The following DYNLT2B variants were observed in gnomAD, a reference collection of about 807,000 sequenced individuals.
DYNLT2B encodes dynein light chain Tctex-type protein 2B.
DYNLT2B carries 14 observed loss-of-function variants against 19.5 expected under a neutral mutation model. The observed-to-expected ratio is 0.72, with a 90% confidence interval of 0.47 to 1.12. DYNLT2B has a LOEUF of 1.12. DYNLT2B is among the 50% of genes most tolerant of loss of function. DYNLT2B has a pLI of 0.00. For synonymous variants in DYNLT2B, 70 were observed against 59.7 expected (o/e 1.17, Z -0.79); for missense variants, 133 against 174.7 (o/e 0.76, Z 1.35).
intron 4 of DYNLT2B, 51 bp from the exon 5 acceptor site, chr3:196,291,425 A>G: frequency 6.4e-7 from 1 of 1,564,194 alleles, no homozygotes; most frequent in South Asian, 1.2e-5. Context: ...AGTACTAAAG[A>G]GGGAATGAGA....
At chr3:196,292,516 CA>C (rs1160917670) in intron 4 of DYNLT2B, 1 of 152,162 alleles carries the variant, frequency 6.6e-6, no homozygotes, top group Non-Finnish European at 1.5e-5. Context: ...ATAGGTAACT[CA>C]GAACATGAAA....
chr3:196,316,741 CAAAG>C (rs1465055354), intron 1 of DYNLT2B, among the ~76,000 whole-genome samples: 1 of 152,072 alleles, frequency 6.6e-6, no homozygotes, highest in Non-Finnish European at 1.5e-5. Context: ...TAAAAATAAA[CAAAG>C]AAATTTGTAT....
intron 2 of DYNLT2B, among the ~76,000 whole-genome samples, chr3:196,307,534 C>G (rs73212160): frequency 0.32 from 48,448 of 151,786 alleles, 8,812 homozygotes; most frequent in East Asian, 0.82. Context: ...AACTCCTGAC[C>G]TCAGGTGATC....
At position 196,318,037 on chromosome 3, in the gene DYNLT2B, C is replaced by A. The variant is rs781417695; in HGVS notation, c.113+3G>T. The A allele has an allele frequency of 2.0e-6, 3 of 1,517,814 alleles. No individual in the cohort carries two copies. The highest frequency in any genetic ancestry group is 2.7e-5 in the East Asian group (1 of 36,574). The allele number at this position is 1,517,814 out of a possible 1,614,324, so 94.0% of individuals were successfully genotyped here. A position where few individuals can be genotyped will look rare whatever the true frequency, so the allele number is the denominator to read the frequency against. ...GCCCCGCCACAGCCCGTCCTCTACC[C>A]GCCTCTGCTGGAAAACAGGCCGCAG... On this transcript the variant is annotated splice_donor_region_variant and intron_variant, in intron 1 of 4. Coordinates refer to ENST00000325318, the MANE Select transcript of DYNLT2B (RefSeq NM_152773.5).
intron 2 of DYNLT2B, among the ~76,000 whole-genome samples, chr3:196,313,232 C>A (rs1302738074): frequency 6.7e-6 from 1 of 149,616 alleles, no homozygotes; most frequent in Admixed American, 6.7e-5. Flanking sequence ...GAGTCTCACT[C>A]TGTTGCCCAG....
chr3:196,293,046 G>C (rs935850693), intron 4 of DYNLT2B, among the ~76,000 whole-genome samples: 1 of 152,102 alleles, frequency 6.6e-6, no homozygotes, highest in Non-Finnish European at 1.5e-5. Context: ...TAGAGATGGG[G>C]TTTCACCATG....
chr3:196,316,126 T>A lies in DYNLT2B; in HGVS notation c.219A>T (p.Leu73Phe). Residue 73 changes from leucine (L) to phenylalanine (F), a missense_variant, in exon 2 of 5, where the codon TTA becomes TTT. Physicochemically the swap from Leu to Phe is conservative, Grantham distance 22. Coordinates refer to ENST00000325318, the MANE Select transcript of DYNLT2B (RefSeq NM_152773.5). ...PEEMPQLTKH[L>F]SENIKDKLKE... ...TTAATTTATCTTTAATGTTTTCTGA[T>A]AAATGTTTTGTAAGCTGAGGCATTT... The A allele has an allele frequency of 1.2e-6, 2 of 1,613,736 alleles. No individual in the cohort carries two copies. Among genetic ancestry groups the A allele is most frequent in the Non-Finnish European group, 1.7e-6 (2 of 1,179,788 alleles).
intron 3 of DYNLT2B, among the ~76,000 whole-genome samples, chr3:196,305,057 A>AT (rs1726451546): frequency 6.6e-6 from 1 of 151,884 alleles, no homozygotes; most frequent in Admixed American, 6.6e-5. Flanking sequence ...TAATTTTTGT[A>AT]TTTTTTTGTA....
chr3:196,294,440 A>G (rs1726173468), intron 4 of DYNLT2B, among the ~76,000 whole-genome samples: 1 of 152,242 alleles, frequency 6.6e-6, no homozygotes, highest in African/African-American at 2.4e-5. Context: ...AGCAGTGTCC[A>G]TATCTGGCAG....
Position 196,293,499 on chromosome 3 carries a change from ACCTGTAGTC to A in DYNLT2B, c.382-2134_382-2126del, listed in dbSNP as rs1211787552. Among the ~76,000 whole-genome samples the A allele has an allele frequency of 2.6e-5, 4 of 151,534 alleles. No individual in the cohort carries two copies. The East Asian group carries it at 8.1e-4, about 31-fold the overall frequency. On this transcript the variant is annotated intron_variant, in intron 4 of 4. Coordinates refer to ENST00000325318, the MANE Select transcript of DYNLT2B (RefSeq NM_152773.5). ...AAATTAGCCGAGCGTGGTGGCATGC[ACCTGTAGTC>A]CCAGCTACTCGGGAGGCTGGGGCAG...
chr3:196,292,804 C>T lies in DYNLT2B; in HGVS notation c.382-1430G>A, dbSNP rs1299153684. Among the ~76,000 whole-genome samples, 4 of 152,250 alleles carry T rather than the reference C, an allele frequency of 2.6e-5. No individual in the cohort carries two copies. In the South Asian group the frequency reaches 6.2e-4, roughly 24 times the overall value. Reference sequence around the variant, plus strand: ...TCCGCTCAATACCACATGATTTTCCCTCCTTTCTCATTTCCTCTGCCTCTA... The same window carrying T: ...TCCGCTCAATACCACATGATTTTCCTTCCTTTCTCATTTCCTCTGCCTCTA... On this transcript the variant is annotated intron_variant, in intron 4 of 4. Transcript: ENST00000325318.
chr3:196,307,136 G>T, intron 2 of DYNLT2B, 124 bp from the exon 3 acceptor site: 2 of 772,294 alleles, frequency 2.6e-6, no homozygotes, highest in Non-Finnish European at 4.3e-6. Flanking sequence ...ATGGTGGTAA[G>T]CTTGGGGGTC....
chr3:196,303,900 G>A (rs1577389532), intron 3 of DYNLT2B, among the ~76,000 whole-genome samples: 1 of 152,186 alleles, frequency 6.6e-6, no homozygotes, highest in African/African-American at 2.4e-5. Context: ...GATGATGCCT[G>A]TAACCCCAGT....
At chr3:196,296,772 GAC>G (rs1379916639) in intron 3 of DYNLT2B, among the ~76,000 whole-genome samples, 3 of 152,184 alleles carry the variant, frequency 2.0e-5, no homozygotes, top group Non-Finnish European at 4.4e-5. Context: ...AGTTTTGCAA[GAC>G]ACAGTGACGT....
At chr3:196,293,769 CG>C (rs1382077924) in intron 4 of DYNLT2B, among the ~76,000 whole-genome samples, 1 of 149,966 alleles carries the variant, frequency 6.7e-6, no homozygotes, top group Non-Finnish European at 1.5e-5. Flanking sequence ...CTCAGCCTCC[CG>C]AGTAGCTGGG....
chr3:196,311,959 T>A (rs1255672335), intron 2 of DYNLT2B, among the ~76,000 whole-genome samples: 1 of 152,152 alleles, frequency 6.6e-6, no homozygotes, highest in African/African-American at 2.4e-5. Context: ...TGGTGCAATC[T>A]TGGCTCACTG....
At chr3:196,315,952 G>T in intron 2 of DYNLT2B, 146 bp downstream of exon 2, 3 of 801,858 alleles carry the variant, frequency 3.7e-6, no homozygotes, top group Non-Finnish European at 5.7e-6. Context: ...CAATCTTCCT[G>T]CCTTGGCATG....
intron 3 of DYNLT2B, 71 bp from the exon 4 acceptor site, chr3:196,296,140 A>T: frequency 7.7e-7 from 1 of 1,290,654 alleles, no homozygotes; most frequent in South Asian, 1.2e-5. Context: ...CTGCCACGAG[A>T]AACAGTGTTC....
intron 3 of DYNLT2B, among the ~76,000 whole-genome samples, chr3:196,299,938 G>A (rs76621855): frequency 0.065 from 9,957 of 152,042 alleles, 376 homozygotes; most frequent in South Asian, 0.12. Flanking sequence ...CTCAAAAATA[G>A]AATAAAATAA....
Sources: allele counts gnomAD v4.1 joint callset (sites outside exome capture counted in the v4.1 genomes callset), GRCh38; gene constraint gnomAD v4.1.1; transcripts MANE v1.5; gene names NCBI Gene and HGNC (gene_info 2026-07-23, HGNC 2026-07-21).